Variants in KLF12 observed in about 807,000 individuals in gnomAD.
KLF12 encodes the protein Krueppel-like factor 12.
Under a neutral mutation model 37.8 loss-of-function variants are expected in KLF12, and 9 were observed. The ratio of observed to expected loss-of-function variants is 0.24; its 90% CI spans 0.14 to 0.42. The LOEUF (loss-of-function observed/expected upper bound fraction) is 0.42. Among genes scored for constraint, KLF12 ranks in the 10% least tolerant of loss-of-function variants. KLF12 has a pLI of 1.00. For missense variants in KLF12, 411 were observed against 516.0 expected (o/e 0.80, Z 1.97); for synonymous variants, 208 against 202.1 (o/e 1.03, Z -0.25).
chr13:73,994,357 T>C lies in KLF12; in HGVS notation c.33+633A>G, dbSNP rs577567549. Among the ~76,000 whole-genome samples, 4 of 152,330 alleles carry C rather than the reference T, an allele frequency of 2.6e-5. No homozygotes were observed. In the South Asian group the frequency reaches 8.3e-4, roughly 32 times the overall value. On this transcript the variant is annotated intron_variant, in intron 2 of 7. Transcript: ENST00000377669. ...ATGGTTTAACATATTGTAATTCTCT[T>C]AGTGTCACCTATGATTTTTACATTG...
chr13:73,754,678 CA>C (rs1385791345), intron 6 of KLF12, among the ~76,000 whole-genome samples: 1 of 152,070 alleles, frequency 6.6e-6, no homozygotes, highest in Admixed American at 6.6e-5. Flanking sequence ...CTACTGCTGG[CA>C]AAAAATGCAA....
At chr13:74,107,962 G>A (rs1876746680) in intron 1 of KLF12, among the ~76,000 whole-genome samples, 1 of 152,166 alleles carries the variant, frequency 6.6e-6, no homozygotes, top group African/African-American at 2.4e-5. Context: ...CAAAGATTAG[G>A]CTTATATACT....
chr13:73,987,359 TAATC>T (rs1277246044), intron 2 of KLF12, among the ~76,000 whole-genome samples: 2 of 152,280 alleles, frequency 1.3e-5, no homozygotes, highest in South Asian at 2.1e-4. Context: ...ATGTTTTTAA[TAATC>T]AATTACTATG....
chr13:73,883,143 A>G (rs186719372), intron 3 of KLF12, among the ~76,000 whole-genome samples: 96 of 152,300 alleles, frequency 6.3e-4, no homozygotes, highest in African/African-American at 2.2e-3. Context: ...TACATTCTGA[A>G]GTTTGTTGGT....
rs41286096 is a variant in KLF12, at chr13:73,694,036, C to T, written c.*1454G>A. Reference sequence around the variant, plus strand: ...AGGATGAGTGGGTTCAATATCCCTGCAGATGCCAATGCAGGACACCTGGGT... The same window carrying T: ...AGGATGAGTGGGTTCAATATCCCTGTAGATGCCAATGCAGGACACCTGGGT... On this transcript the variant is annotated 3_prime_UTR_variant, in exon 8 of 8. Transcript: ENST00000377669. The T allele has an allele frequency of 0.042, 6,371 of 152,688 alleles. 154 individuals are homozygous for T. The highest frequency in any genetic ancestry group is 0.099 in the Middle Eastern group (29 of 294). The allele number at this position is 152,688 out of a possible 1,614,324, so 9.5% of individuals were successfully genotyped here.
intron 2 of KLF12, chr13:73,960,238 G>A (rs1002573701): frequency 4.2e-5 from 7 of 167,776 alleles, no homozygotes; most frequent in Admixed American, 1.2e-4. Flanking sequence ...TATAAATGAC[G>A]AATCACAAAG....
At chr13:73,742,897 T>C (rs1878103704) in intron 6 of KLF12, among the ~76,000 whole-genome samples, 1 of 152,098 alleles carries the variant, frequency 6.6e-6, no homozygotes, top group African/African-American at 2.4e-5. Context: ...AATAATAAAC[T>C]ATCCCATGAA....
intron 2 of KLF12, among the ~76,000 whole-genome samples, chr13:73,979,118 G>A (rs1292759110): frequency 2.0e-5 from 3 of 152,192 alleles, no homozygotes; most frequent in African/African-American, 7.2e-5. Flanking sequence ...GTTAAAACCC[G>A]TAGAATATAC....
the KLF12 span, among the ~76,000 whole-genome samples, chr13:74,162,630 C>G: frequency 6.6e-6 from 1 of 152,156 alleles, no homozygotes; most frequent in East Asian, 1.9e-4. Context: ...TCTCTTACCT[C>G]TTGGGATTCT....
intron 1 of KLF12, among the ~76,000 whole-genome samples, chr13:74,065,454 A>G (rs1358981781): frequency 3.6e-4 from 9 of 24,714 alleles, no homozygotes; most frequent in South Asian, 7.1e-3. Flanking sequence ...ATTTACCTCT[A>G]TAAGAGTCCC....
intron 4 of KLF12, among the ~76,000 whole-genome samples, chr13:73,836,833 T>C (rs552777134): frequency 3.3e-5 from 5 of 152,320 alleles, no homozygotes; most frequent in South Asian, 2.1e-4. Context: ...TACATTAGAA[T>C]ACTTTACCAG....
chr13:74,149,509 C>G, the KLF12 span, among the ~76,000 whole-genome samples: 1 of 152,178 alleles, frequency 6.6e-6, no homozygotes, highest in African/African-American at 2.4e-5. Context: ...CAAATTATAT[C>G]CAGAATCTGA....
upstream of KLF12, among the ~76,000 whole-genome samples, chr13:74,135,849 A>G (rs1302574955): frequency 6.6e-6 from 1 of 152,170 alleles, no homozygotes; most frequent in Non-Finnish European, 1.5e-5. Context: ...GAGAAACAGG[A>G]AATGAGAACG....
Position 73,686,876 on chromosome 13 carries a change from A to G in KLF12, c.*8614T>C, listed in dbSNP as rs1055628930. 1 of 152,306 alleles carries G rather than the reference A, an allele frequency of 6.6e-6. No individual in the cohort carries two copies. Among genetic ancestry groups the G allele is most frequent in the Admixed American group, 6.5e-5 (1 of 15,274 alleles). The allele number at this position is 152,306 out of a possible 1,614,324, so 9.4% of individuals were successfully genotyped here. On this transcript the variant is annotated 3_prime_UTR_variant, in exon 8 of 8. Coordinates refer to ENST00000377669, the MANE Select transcript of KLF12 (RefSeq NM_007249.5). ...CACCACGTATAATGAGCTAAACGTC[A>G]AGGAAAAGAAAAAAGATGCCTGCTT...
At chr13:74,159,954 A>T in the KLF12 span, among the ~76,000 whole-genome samples, 1 of 150,250 alleles carries the variant, frequency 6.7e-6, no homozygotes, top group Admixed American at 6.6e-5. Context: ...GTGAGCCAAG[A>T]TCACATCACT....
At chr13:73,982,132 C>T (rs1169932195) in intron 2 of KLF12, among the ~76,000 whole-genome samples, 1 of 152,158 alleles carries the variant, frequency 6.6e-6, no homozygotes, top group Non-Finnish European at 1.5e-5. Context: ...CAAGAACTTT[C>T]AAAGTCTGAT....
intron 2 of KLF12, among the ~76,000 whole-genome samples, chr13:73,968,709 C>G (rs1307998503): frequency 6.6e-6 from 1 of 152,174 alleles, no homozygotes; most frequent in South Asian, 2.1e-4. Context: ...GCAAACTCCA[C>G]GAGGAAAGAT....
chr13:74,141,712 T>C, the KLF12 span, among the ~76,000 whole-genome samples: 1 of 152,196 alleles, frequency 6.6e-6, no homozygotes, highest in Admixed American at 6.5e-5. Context: ...AAACCAAGTC[T>C]GTTCCATTTA....
At chr13:74,007,868 C>A (rs945916569) in intron 1 of KLF12, among the ~76,000 whole-genome samples, 10 of 148,640 alleles carry the variant, frequency 6.7e-5, no homozygotes, top group Non-Finnish European at 1.3e-4. Context: ...ACAATGAGAA[C>A]AAACAACTGG....
Sources: allele counts gnomAD v4.1 joint callset (sites outside exome capture counted in the v4.1 genomes callset), GRCh38; gene constraint gnomAD v4.1.1; transcripts MANE v1.5; gene names NCBI Gene and HGNC (gene_info 2026-07-23, HGNC 2026-07-21).